Variants in HOXB6 observed in about 807,000 individuals in gnomAD.
The protein encoded by HOXB6 is homeobox protein Hox-B6.
HOXB6 carries 18 observed loss-of-function variants against 24.2 expected under a neutral mutation model. That is an observed-to-expected ratio of 0.74 (90% CI 0.51 to 1.10). The LOEUF (loss-of-function observed/expected upper bound fraction) is 1.10, where lower values mean the gene tolerates loss of function less well. Among genes scored for constraint, HOXB6 ranks in the 50% least tolerant of loss-of-function variants. The pLI is 0.00. For synonymous variants in HOXB6, 159 were observed against 139.1 expected (o/e 1.14, Z -1.01); for missense variants, 332 against 308.3 (o/e 1.08, Z -0.58).
In HOXB6 at chr17:48,596,508, A is replaced by G; in HGVS notation, c.580T>C (p.Phe194Leu). 6.2e-7 allele frequency: 1 copy of G among 1,614,122 alleles called. No individual in the cohort carries two copies. Among genetic ancestry groups the G allele is most frequent in the East Asian group, 2.2e-5 (1 of 44,878 alleles). ...CLTERQIKIW[F>L]QNRRMKWKKE... ...TTCCACTTCATGCGTCGGTTCTGGA[A>G]CCATATCTTGATCTGCCTCTCCGTC... is the stretch of plus-strand genomic sequence containing the variant. The change falls in exon 4 of 4, where the codon TTC becomes CTC. Residue 194 changes from phenylalanine (F) to leucine (L), a missense_variant. Physicochemically the swap from Phe to Leu is conservative, Grantham distance 22. Coordinates refer to ENST00000225648, the MANE Select transcript of HOXB6 (RefSeq NM_018952.5). The surrounding 1 kb of genome is among the most constrained non-coding windows in gnomAD (Gnocchi z 4.8).
intron 2 of HOXB6, chr17:48,600,481 GC>G (rs2070432870): frequency 2.2e-6 from 1 of 455,896 alleles, no homozygotes; most frequent in Non-Finnish European, 4.4e-6. Context: ...CTACAGGCGG[GC>G]CTGGGCGCCT....
chr17:48,603,586 A>T (rs1012868650), intron 2 of HOXB6: 2 of 152,252 alleles, frequency 1.3e-5, no homozygotes, highest in African/African-American at 4.8e-5. Flanking sequence ...GACCCAGGAA[A>T]GTTTGAAATG....
chr17:48,600,385 A>G (rs1437232450), intron 2 of HOXB6: 1 of 447,402 alleles, frequency 2.2e-6, no homozygotes, highest in Non-Finnish European at 4.5e-6. Flanking sequence ...CTGTGTCAGA[A>G]GCAGGGAAAT....
At chr17:48,604,391 G>C (rs1271110399) in intron 2 of HOXB6, 89 bp downstream of exon 2, 1 of 152,422 alleles carries the variant, frequency 6.6e-6, no homozygotes, top group Non-Finnish European at 1.5e-5. Flanking sequence ...GTCTTGGAAC[G>C]GGGGAGGAGG....
Position 48,596,662 on chromosome 17 carries a change from A to G in HOXB6, c.426T>C (p.Phe142=), listed in dbSNP as rs1428013149. The change falls in exon 4 of 4, where the codon TTT becomes TTC. Residue 142 remains phenylalanine, a synonymous_variant. Coordinates refer to ENST00000225648, the MANE Select transcript of HOXB6 (RefSeq NM_018952.5). The surrounding 1 kb of genome is among the most constrained non-coding windows in gnomAD (Gnocchi z 4.8). ...GGCGGCCTCGCCGGCCGCTGGGCCC[A>G]AAGGAGGAACCTGTTACGCAGAGTG... is the stretch of plus-strand genomic sequence containing the variant. ...QRMNSCNSSS[F]GPSGRRGRQT... 1.2e-6 allele frequency: 2 copies of G among 1,612,954 alleles called. No individual in the cohort carries two copies. Among genetic ancestry groups the G allele is most frequent in the Non-Finnish European group, 1.7e-6 (2 of 1,180,020 alleles).
At chr17:48,602,675 G>T (rs2070497531) in intron 2 of HOXB6, among the ~76,000 whole-genome samples, 1 of 152,202 alleles carries the variant, frequency 6.6e-6, no homozygotes, top group Non-Finnish European at 1.5e-5. Context: ...GACCCTGCGA[G>T]GCCGGGGCTC....
rs772248057 is a variant in HOXB6 at position 48,595,772 on chromosome 17, ATTG to A, written c.*638_*640del. 609 of 192,978 alleles carry A rather than the reference ATTG, an allele frequency of 3.2e-3. 5 individuals are homozygous for A. Among genetic ancestry groups the A allele is most frequent in the African/African-American group, 8.8e-3 (351 of 40,084 alleles). The allele number at this position is 192,978 out of a possible 1,614,324, so 12.0% of individuals were successfully genotyped here. A position where few individuals can be genotyped will look rare whatever the true frequency, so the allele number is the denominator to read the frequency against. On this transcript the variant is annotated 3_prime_UTR_variant, in exon 4 of 4. Coordinates refer to ENST00000225648, the MANE Select transcript of HOXB6 (RefSeq NM_018952.5). ...AGCGTCGAGTTTTCACATCTTTATT[ATTG>A]TTGTTGTTGTTGTTATTATTATTAT...
chr17:48,596,050 G>C lies in HOXB6; in HGVS notation c.*363C>G, dbSNP rs1217431633. Reference sequence around the variant, plus strand: ...GGGACAGCGAATCTACCATTGAACCGTGCACGGGGGACATGGACAAAATGA... The same window carrying C: ...GGGACAGCGAATCTACCATTGAACCCTGCACGGGGGACATGGACAAAATGA... On this transcript the variant is annotated 3_prime_UTR_variant, in exon 4 of 4. Coordinates refer to ENST00000225648, the MANE Select transcript of HOXB6 (RefSeq NM_018952.5). The surrounding 1 kb of genome is among the most constrained non-coding windows in gnomAD (Gnocchi z 4.8). The C allele has an allele frequency of 2.1e-6, 1 of 482,022 alleles. No individual in the cohort carries two copies. The highest frequency in any genetic ancestry group is 2.0e-5 in the African/African-American group (1 of 51,156). 29.9% of individuals were successfully genotyped at this position (482,022 alleles called of 1,614,324 possible). A position where few individuals can be genotyped will look rare whatever the true frequency, so the allele number is the denominator to read the frequency against.
rs1397158415 is a variant in HOXB6 at position 48,598,120 on chromosome 17, G to A, written c.31C>T (p.Pro11Ser). 6.3e-7 allele frequency: 1 copy of A among 1,594,874 alleles called. No individual in the cohort carries two copies. The highest frequency in any genetic ancestry group is 2.3e-5 in the East Asian group (1 of 44,358). ...TCCTGCCCGCTGGCCAGAGTGACGG[G>A]GAAGGTGGAGTTCACGAAATAGGAA... MSSYFVNSTF[P>S]VTLASGQESF... Residue 11 changes from proline (P) to serine (S), a missense_variant, in exon 3 of 4, where the codon CCC becomes TCC. By Grantham distance (74) the Pro-to-Ser change is moderately conservative. Transcript: ENST00000225648.
chr17:48,598,310 A>G, intron 2 of HOXB6, 82 bp from the exon 3 acceptor site: 1 of 718,794 alleles, frequency 1.4e-6, no homozygotes, highest in East Asian at 2.7e-5. Flanking sequence ...AAATACAACC[A>G]TCTGATCCAA....
At chr17:48,602,343 A>T in intron 2 of HOXB6, 1 of 398,572 alleles carries the variant, frequency 2.5e-6, no homozygotes. Context: ...TTGGCTTCGG[A>T]TGTCTCAAGC....
At position 48,597,866 on chromosome 17, in the gene HOXB6, C is replaced by T; in HGVS notation, c.285G>A (p.Glu95=). ...ESACALSGAD[E]QPPFHPEPRK... ...GCGGCTCGGGGTGGAACGGGGGCTG[C>T]TCGTCGGCGCCGGAGAGTGCGCAGG... is the stretch of plus-strand genomic sequence containing the variant. The change falls in exon 3 of 4, where the codon GAG becomes GAA. Residue 95 remains glutamate (E), a synonymous_variant. Coordinates refer to ENST00000225648, the MANE Select transcript of HOXB6 (RefSeq NM_018952.5). 6.3e-7 allele frequency: 1 copy of T among 1,593,470 alleles called. No homozygotes were observed.
rs1424964490 is a variant in HOXB6 at position 48,597,770 on chromosome 17, G to T, written c.381C>A (p.Val127=). 3 of 1,612,830 alleles carry T rather than the reference G, an allele frequency of 1.9e-6. No individual in the cohort carries two copies. The highest frequency in any genetic ancestry group is 3.3e-5 in the Admixed American group (2 of 59,876). The change falls in exon 3 of 4, where the codon GTC becomes GTA. Residue 127 remains valine, a synonymous_variant. Coordinates refer to ENST00000225648, the MANE Select transcript of HOXB6 (RefSeq NM_018952.5). The part of the protein sequence containing the change: ...ETEEQKCSTP[V]YPWMQRMNSC... ...AATTCATCCGCTGCATCCACGGGTA[G>T]ACCGGAGTGGAGCACTTCTGCTCTT...
In HOXB6 at chr17:48,597,914, G is replaced by A. The variant is rs577327660; in HGVS notation, c.237C>T (p.Ala79=). The change falls in exon 3 of 4, where the codon GCC becomes GCT. Residue 79 remains alanine, a synonymous_variant. Transcript: ENST00000225648. ...AAPCDYGPAP[A]FYREKESACA... is the part of the protein sequence containing the mutation. ...AGGCCGACTCTTTCTCGCGGTAGAA[G>A]GCCGGCGCCGGCCCGTAGTCGCAGG... 5 of 1,574,902 alleles carry A rather than the reference G, an allele frequency of 3.2e-6. No individual in the cohort carries two copies. The highest frequency in any genetic ancestry group is 1.8e-5 in the Admixed American group (1 of 54,776).
intron 2 of HOXB6, chr17:48,602,186 C>A (rs2070483758): frequency 2.2e-6 from 1 of 456,122 alleles, no homozygotes; most frequent in Non-Finnish European, 4.4e-6. Context: ...ACCCACCAAC[C>A]AAGGAGCTGG....
Position 48,598,053 on chromosome 17 carries a change from G to A in HOXB6, c.98C>T (p.Ala33Val), listed in dbSNP as rs867711068. The change falls in exon 3 of 4, where the codon GCG becomes GTG. Residue 33 changes from alanine (A) to valine (V), a missense_variant. Transcript: ENST00000225648. ...GQLPLYSSGY[A>V]DPLRHYPAPY... is the part of the protein sequence containing the mutation. ...CGCGGGGTAATGTCTCAGCGGGTCC[G>A]CATAGCCCGACGAATAGAGCGGTAG... 5 of 1,601,284 alleles carry A rather than the reference G, an allele frequency of 3.1e-6. No individual in the cohort carries two copies. Among genetic ancestry groups the A allele is most frequent in the East Asian group, 2.3e-5 (1 of 44,278 alleles).
chr17:48,603,803 C>T (rs1159228635), intron 2 of HOXB6: 1 of 152,346 alleles, frequency 6.6e-6, no homozygotes, highest in East Asian at 1.9e-4. Flanking sequence ...GGGCAGGCTT[C>T]CTGGTGAGGG....
chr17:48,600,545 G>C, intron 2 of HOXB6: 1 of 455,632 alleles, frequency 2.2e-6, no homozygotes, highest in Admixed American at 2.3e-5. Flanking sequence ...TAAGCCCAGA[G>C]GTATTTATGA....
At chr17:48,601,317 A>G (rs1445704434) in intron 2 of HOXB6, 5 of 148,628 alleles carry the variant, frequency 3.4e-5, no homozygotes, top group Non-Finnish European at 7.3e-5. Context: ...GGCCCCTCCA[A>G]ATCAAAGTAC....
Sources: allele counts gnomAD v4.1 joint callset (sites outside exome capture counted in the v4.1 genomes callset), GRCh38; gene constraint gnomAD v4.1.1; non-coding constraint Gnocchi (gnomAD v3.1); transcripts MANE v1.5; gene names NCBI Gene and HGNC (gene_info 2026-07-23, HGNC 2026-07-21).